The following FGF2 variants were observed in gnomAD, a reference collection of about 807,000 sequenced individuals.
FGF2 encodes the protein basic fibroblast growth factor bFGF.
In FGF2, 13 loss-of-function variants were observed where a neutral mutation model predicts 15.9. The ratio of observed to expected loss-of-function variants is 0.82; its 90% CI spans 0.53 to 1.30. FGF2 has a LOEUF of 1.30. Ranked by LOEUF, FGF2 falls within the 50% of genes most tolerant of loss-of-function variation. The probability of loss-of-function intolerance (pLI) is 0.00; values close to 1 mark genes in which losing one functional copy is unlikely to be tolerated. For synonymous variants in FGF2, 90 were observed against 78.4 expected (o/e 1.15, Z -0.78); for missense variants, 163 against 196.9 (o/e 0.83, Z 1.03).
intron 1 of FGF2, among the ~76,000 whole-genome samples, chr4:122,854,062 G>C (rs763173878): frequency 2.0e-5 from 3 of 152,204 alleles, no homozygotes; most frequent in Non-Finnish European, 4.4e-5. Context: ...TCTGTAGATA[G>C]AGCATAGAAG....
upstream of FGF2, chr4:122,826,723 C>T: frequency 3.2e-6 from 4 of 1,256,374 alleles, no homozygotes; most frequent in Non-Finnish European, 4.0e-6. Flanking sequence ...CCAGAAAACC[C>T]GAGCGAGTAG....
chr4:122,888,466 G>C (rs574352389), intron 2 of FGF2, among the ~76,000 whole-genome samples: 22 of 152,228 alleles, frequency 1.4e-4, no homozygotes, highest in African/African-American at 5.3e-4. Flanking sequence ...CATTTTCTTA[G>C]AATAAGAGCC....
intron 1 of FGF2, among the ~76,000 whole-genome samples, chr4:122,860,977 A>G (rs1726451257): frequency 6.6e-6 from 1 of 152,142 alleles, no homozygotes; most frequent in African/African-American, 2.4e-5. Context: ...TAGATACCTT[A>G]GTTTCCAAGT....
intron 2 of FGF2, among the ~76,000 whole-genome samples, chr4:122,877,619 A>C (rs1307084234): frequency 6.6e-6 from 1 of 152,220 alleles, no homozygotes; most frequent in Non-Finnish European, 1.5e-5. Flanking sequence ...TGTCTCCGTG[A>C]GGGAGTAGAT....
At chr4:122,849,100 T>C (rs746498032) in intron 1 of FGF2, among the ~76,000 whole-genome samples, 1 of 152,204 alleles carries the variant, frequency 6.6e-6, no homozygotes, top group Non-Finnish European at 1.5e-5. Flanking sequence ...TAAAACACCA[T>C]ATCAGAATCC....
intron 1 of FGF2, among the ~76,000 whole-genome samples, chr4:122,874,512 A>G (rs550061048): frequency 6.6e-6 from 1 of 152,150 alleles, no homozygotes; most frequent in Non-Finnish European, 1.5e-5. Flanking sequence ...TCTTTTTTTT[A>G]AATTGTAAAT....
chr4:122,880,315 C>A, intron 2 of FGF2, among the ~76,000 whole-genome samples: 1 of 147,912 alleles, frequency 6.8e-6, no homozygotes. Flanking sequence ...GGCATGATCT[C>A]GGCTCACTGC....
intron 1 of FGF2, among the ~76,000 whole-genome samples, chr4:122,837,458 A>G (rs1725888843): frequency 6.6e-6 from 1 of 152,220 alleles, no homozygotes; most frequent in Non-Finnish European, 1.5e-5. Flanking sequence ...TGAATTAGAA[A>G]TGCAAATAAT....
At chr4:122,844,551 TTCTC>T (rs1364834398) in intron 1 of FGF2, among the ~76,000 whole-genome samples, 7 of 148,698 alleles carry the variant, frequency 4.7e-5, no homozygotes, top group African/African-American at 1.5e-4. Context: ...CTTTCTTTCT[TTCTC>T]TTTTTCTTTC....
rs1030904029 is a variant in FGF2 at position 122,896,532 on chromosome 4, T to C, written c.*4136T>C. Reference sequence around the variant, plus strand: ...TGGATAGTGTGAGAGAATTAGGCTGTAGAACAAATGGCCTTCTCTTTCAGC... The same window carrying C: ...TGGATAGTGTGAGAGAATTAGGCTGCAGAACAAATGGCCTTCTCTTTCAGC... On this transcript the variant is annotated 3_prime_UTR_variant, in exon 3 of 3. Coordinates refer to ENST00000644866, the MANE Select transcript of FGF2 (RefSeq NM_001361665.2). The C allele has an allele frequency of 6.6e-6, 1 of 152,176 alleles. No homozygotes were observed. The highest frequency in any genetic ancestry group is 1.5e-5 in the Non-Finnish European group (1 of 68,044). 9.4% of individuals were successfully genotyped at this position (152,176 alleles called of 1,614,324 possible).
At chr4:122,845,858 A>G (rs536257457) in intron 1 of FGF2, among the ~76,000 whole-genome samples, 2 of 152,222 alleles carry the variant, frequency 1.3e-5, no homozygotes, top group Non-Finnish European at 2.9e-5. Flanking sequence ...TCACTGGAGT[A>G]GAACTTTTCA....
intron 1 of FGF2, among the ~76,000 whole-genome samples, chr4:122,875,537 G>T (rs1243100149): frequency 6.6e-6 from 1 of 151,832 alleles, no homozygotes; most frequent in Admixed American, 6.6e-5. Context: ...GGCCGGGCGC[G>T]GTGGCTCATG....
intron 1 of FGF2, among the ~76,000 whole-genome samples, chr4:122,867,938 G>C (rs76621038): frequency 0.01 from 1,574 of 152,246 alleles, 36 homozygotes; most frequent in African/African-American, 0.035. Context: ...AGCCAGATCA[G>C]CTTTCTTATA....
intron 1 of FGF2, among the ~76,000 whole-genome samples, chr4:122,854,519 T>C (rs1726298385): frequency 6.6e-6 from 1 of 152,218 alleles, no homozygotes; most frequent in African/African-American, 2.4e-5. Context: ...GGAGCCATGA[T>C]CTTCTTTTAC....
In FGF2 at chr4:122,892,784, T is replaced by G; in HGVS notation, c.*388T>G. The stretch of plus-strand genomic sequence containing the variant: ...AATCCAAAATGTCCACTATTTCTTA[T>G]GTCATTCGTTAGTCTACATGTTTCT... On this transcript the variant is annotated 3_prime_UTR_variant, in exon 3 of 3. Coordinates refer to ENST00000644866, the MANE Select transcript of FGF2 (RefSeq NM_001361665.2). The G allele has an allele frequency of 2.1e-6, 3 of 1,459,604 alleles. No homozygotes were observed. Among genetic ancestry groups the G allele is most frequent in the Non-Finnish European group, 1.9e-6 (2 of 1,078,718 alleles). 90.4% of individuals were successfully genotyped at this position (1,459,604 alleles called of 1,614,324 possible). A position where few individuals can be genotyped will look rare whatever the true frequency, so the allele number is the denominator to read the frequency against.
chr4:122,828,764 C>T (rs1383881110), intron 1 of FGF2, among the ~76,000 whole-genome samples: 3 of 152,126 alleles, frequency 2.0e-5, no homozygotes, highest in Non-Finnish European at 2.9e-5. Flanking sequence ...CACTTAATCC[C>T]GTAAAACTGA....
At chr4:122,848,194 A>G (rs183036144) in intron 1 of FGF2, among the ~76,000 whole-genome samples, 75 of 152,266 alleles carry the variant, frequency 4.9e-4, no homozygotes, top group African/African-American at 1.8e-3. Flanking sequence ...TGACACTGAG[A>G]GGTTCAGTTT....
chr4:122,856,925 A>C (rs929601734), intron 1 of FGF2, among the ~76,000 whole-genome samples: 2 of 152,176 alleles, frequency 1.3e-5, no homozygotes, highest in East Asian at 3.8e-4. Context: ...TATTTTTAGA[A>C]ACATTTCTCC....
At chr4:122,857,425 G>T (rs184635921) in intron 1 of FGF2, among the ~76,000 whole-genome samples, 1 of 152,250 alleles carries the variant, frequency 6.6e-6, no homozygotes, top group East Asian at 1.9e-4. Flanking sequence ...TGGAGCTTCT[G>T]GAATGCCACA....
Sources: gnomAD v4.1 joint callset for allele counts (sites outside exome capture counted in the v4.1 genomes callset) on GRCh38, gnomAD v4.1.1 for gene constraint, MANE v1.5 for transcripts, NCBI Gene and HGNC (gene_info 2026-07-23, HGNC 2026-07-21) for gene names.